Variants in TEX14 observed in about 807,000 individuals in gnomAD.
TEX14 encodes inactive serine/threonine-protein kinase TEX14.
In TEX14, 168 loss-of-function variants were observed where a neutral mutation model predicts 178.6. That is an observed-to-expected ratio of 0.94 (90% CI 0.83 to 1.07). The LOEUF is 1.07. TEX14 is among the 50% of genes least tolerant of loss of function. The pLI is 0.00. For missense variants in TEX14, 1,730 were observed against 1,753.6 expected, an observed-to-expected ratio of 0.99 and a Z score of 0.24; for synonymous variants, 626 against 634.1, an observed-to-expected ratio of 0.99 and a Z score of 0.19.
intron 28 of TEX14, among the ~76,000 whole-genome samples, chr17:58,562,005 A>T (rs1348089014): frequency 6.6e-6 from 1 of 152,112 alleles, no homozygotes; most frequent in Non-Finnish European, 1.5e-5. Flanking sequence ...GAATGGCTTG[A>T]GCCTAGGAGG....
At chr17:58,642,465 G>A (rs1054126283) in intron 2 of TEX14, among the ~76,000 whole-genome samples, 2 of 151,986 alleles carry the variant, frequency 1.3e-5, no homozygotes, top group African/African-American at 4.8e-5. Context: ...GGGCAATCTG[G>A]CCAGGTCTGG....
chr17:58,601,728 A>C (rs1170983920), intron 13 of TEX14, 78 bp downstream of exon 13: 2 of 1,307,326 alleles, frequency 1.5e-6, no homozygotes, highest in African/African-American at 1.5e-5. Context: ...AGTTTAGAGG[A>C]GTCAATTAGT....
intron 26 of TEX14, among the ~76,000 whole-genome samples, chr17:58,568,738 T>C (rs968359725): frequency 7.2e-6 from 1 of 139,526 alleles, no homozygotes; most frequent in Non-Finnish European, 1.6e-5. Context: ...ACTTCCCTGT[T>C]CTTAGGAAGG....
intron 1 of TEX14, among the ~76,000 whole-genome samples, chr17:58,688,270 T>C (rs938183754): frequency 5.3e-5 from 8 of 151,924 alleles, no homozygotes; most frequent in Non-Finnish European, 8.8e-5. Flanking sequence ...ATAGGTACCC[T>C]CCACCACCCC....
chr17:58,562,580 CT>C (rs2144330559), intron 28 of TEX14, among the ~76,000 whole-genome samples: 1 of 152,268 alleles, frequency 6.6e-6, no homozygotes, highest in Non-Finnish European at 1.5e-5. Flanking sequence ...TCTCAGCTCA[CT>C]GCAACCTCTG....
chr17:58,590,734 T>C (rs970950030), intron 15 of TEX14, among the ~76,000 whole-genome samples: 1 of 152,062 alleles, frequency 6.6e-6, no homozygotes, highest in Non-Finnish European at 1.5e-5. Flanking sequence ...GGCTAATTTT[T>C]TGTAGAGATG....
At chr17:58,690,103 T>C (rs563396941) in intron 1 of TEX14, among the ~76,000 whole-genome samples, 1 of 152,110 alleles carries the variant, frequency 6.6e-6, no homozygotes, top group Admixed American at 6.6e-5. Flanking sequence ...CAGAAGATAT[T>C]AATAGCACTT....
intron 23 of TEX14, among the ~76,000 whole-genome samples, chr17:58,572,743 A>T (rs991332962): frequency 6.6e-6 from 1 of 152,234 alleles, no homozygotes; most frequent in Non-Finnish European, 1.5e-5. Context: ...TACCAAAATA[A>T]AATAAACGGT....
At chr17:58,689,377 T>A (rs987411524) in intron 1 of TEX14, among the ~76,000 whole-genome samples, 1 of 151,892 alleles carries the variant, frequency 6.6e-6, no homozygotes, top group Non-Finnish European at 1.5e-5. Flanking sequence ...CACATCAACA[T>A]GCCCAGCTAA....
chr17:58,659,151 C>T (rs1014419834), intron 1 of TEX14, among the ~76,000 whole-genome samples: 9 of 150,938 alleles, frequency 6.0e-5, no homozygotes, highest in African/African-American at 2.0e-4. Context: ...AATCACAGGA[C>T]AGAAAAGCGC....
At chr17:58,685,353 T>C (rs757093656) in intron 1 of TEX14, among the ~76,000 whole-genome samples, 141 of 150,334 alleles carry the variant, frequency 9.4e-4, no homozygotes, top group Admixed American at 1.6e-3. Context: ...GGACAATCGC[T>C]TGAACGTGGG....
At chr17:58,557,494 C>T (rs1471709667) in intron 31 of TEX14, among the ~76,000 whole-genome samples, 1 of 152,092 alleles carries the variant, frequency 6.6e-6, no homozygotes, top group Non-Finnish European at 1.5e-5. Context: ...TGGTCTCGAA[C>T]TCCTGACCTC....
At chr17:58,631,848 A>T (rs576535601) in intron 2 of TEX14, 6 of 152,346 alleles carry the variant, frequency 3.9e-5, no homozygotes, top group African/African-American at 9.6e-5. Flanking sequence ...ATGTCCATTT[A>T]TGTGCCTTCC....
At chr17:58,624,079 C>T (rs1269877638) in intron 3 of TEX14, among the ~76,000 whole-genome samples, 8 of 152,074 alleles carry the variant, frequency 5.3e-5, no homozygotes, top group African/African-American at 1.7e-4. Flanking sequence ...GTCAGGAGAT[C>T]GAGGCCATCC....
intron 9 of TEX14, 140 bp downstream of exon 9, chr17:58,613,281 A>G (rs1445602246): frequency 1.1e-5 from 11 of 1,006,020 alleles, no homozygotes; most frequent in Admixed American, 6.4e-5. Flanking sequence ...AGCATGTTAT[A>G]CAGCCCCTAT....
chr17:58,678,518 C>T (rs547225272), intron 1 of TEX14, among the ~76,000 whole-genome samples: 603 of 152,198 alleles, frequency 4.0e-3, no homozygotes, highest in Admixed American at 7.3e-3. Context: ...AGTTCATGTC[C>T]TTTGTAGGGA....
At chr17:58,639,470 G>A (rs1598409284) in intron 2 of TEX14, among the ~76,000 whole-genome samples, 1 of 152,196 alleles carries the variant, frequency 6.6e-6, no homozygotes, top group Middle Eastern at 3.4e-3. Context: ...GGAGGCCAAG[G>A]CGGGAGGATC....
At chr17:58,570,879 C>T (rs1330879433) in intron 24 of TEX14, among the ~76,000 whole-genome samples, 1 of 152,070 alleles carries the variant, frequency 6.6e-6, no homozygotes, top group Non-Finnish European at 1.5e-5. Context: ...GATCCACCCA[C>T]TTCAGCTTCC....
intron 1 of TEX14, chr17:58,660,311 G>C (rs567512212): frequency 5.2e-6 from 1 of 192,292 alleles, no homozygotes; most frequent in Non-Finnish European, 1.0e-5. Flanking sequence ...TGAGGCAGGA[G>C]AATCTCTTGA....
Sources: gnomAD v4.1 joint callset for allele counts (sites outside exome capture counted in the v4.1 genomes callset) on GRCh38, gnomAD v4.1.1 for gene constraint, MANE v1.5 for transcripts, NCBI Gene and HGNC (gene_info 2026-07-23, HGNC 2026-07-21) for gene names.